Variants in SLIT2 observed in about 807,000 individuals in gnomAD.
SLIT2 encodes the protein slit homolog 2 protein.
Under a neutral mutation model 185.7 loss-of-function variants are expected in SLIT2, and 41 were observed. The observed-to-expected ratio is 0.22, with a 90% CI of 0.17 to 0.29. The LOEUF is 0.29. SLIT2 is among the 10% of genes least tolerant of loss of function. The pLI, the probability that SLIT2 is intolerant of heterozygous loss-of-function variation, is 1.00. For synonymous variants in SLIT2, 693 were observed against 680.2 expected, an observed-to-expected ratio of 1.02 and a Z score of -0.29; for missense variants, 1,571 against 1,909.0, an observed-to-expected ratio of 0.82 and a Z score of 3.30.
chr4:20,257,294 G>A (rs914024734), intron 2 of SLIT2, among the ~76,000 whole-genome samples: 1 of 151,892 alleles, frequency 6.6e-6, no homozygotes, highest in African/African-American at 2.4e-5. Flanking sequence ...TCTTTAATTA[G>A]TGGGTTAAAT....
chr4:20,307,842 T>C (rs1717727580), intron 4 of SLIT2, among the ~76,000 whole-genome samples: 1 of 152,174 alleles, frequency 6.6e-6, no homozygotes, highest in East Asian at 1.9e-4. Context: ...CTCACATGGA[T>C]AGTGTGAGGC....
chr4:20,282,478 C>T (rs1210028450), intron 4 of SLIT2, among the ~76,000 whole-genome samples: 1 of 152,014 alleles, frequency 6.6e-6, no homozygotes, highest in East Asian at 1.9e-4. Context: ...TAGTTCTTAT[C>T]TTCAATTCTC....
intron 4 of SLIT2, among the ~76,000 whole-genome samples, chr4:20,273,643 C>T (rs111420161): frequency 0.027 from 4,089 of 152,170 alleles, 177 homozygotes; most frequent in African/African-American, 0.094. Flanking sequence ...AGACATAACA[C>T]AATCAAAATG....
intron 3 of SLIT2, among the ~76,000 whole-genome samples, chr4:20,268,480 G>A (rs1487026154): frequency 2.0e-5 from 3 of 151,776 alleles, no homozygotes; most frequent in Admixed American, 6.6e-5. Flanking sequence ...TATTTCTGCT[G>A]GATATTGAAG....
chr4:20,505,002 T>C (rs903597908), intron 9 of SLIT2, among the ~76,000 whole-genome samples: 1 of 151,940 alleles, frequency 6.6e-6, no homozygotes, highest in Admixed American at 6.6e-5. Flanking sequence ...ATTCAGGGGG[T>C]CTTGGAATGC....
intron 4 of SLIT2, among the ~76,000 whole-genome samples, chr4:20,298,108 G>A (rs1457091180): frequency 6.8e-6 from 1 of 147,852 alleles, no homozygotes; most frequent in Non-Finnish European, 1.5e-5. Flanking sequence ...TCCTTTTTGA[G>A]ACAGAATTTC....
chr4:20,279,706 G>C (rs750977210), intron 4 of SLIT2, among the ~76,000 whole-genome samples: 22 of 152,176 alleles, frequency 1.4e-4, no homozygotes, highest in Non-Finnish European at 3.1e-4. Flanking sequence ...TTTCCTAAAT[G>C]AACTGAGCTT....
At chr4:20,307,160 C>CCTTCCTTCCTGCCTTCCT (rs1553876301) in intron 4 of SLIT2, among the ~76,000 whole-genome samples, 1 of 24,260 alleles carries the variant, frequency 4.1e-5, no homozygotes. Context: ...CCCTCCCTCC[C>CCTTCCTTCCTGCCTTCCT]TCCTTCCTTC....
At chr4:20,342,100 T>C (rs1721005286) in intron 4 of SLIT2, among the ~76,000 whole-genome samples, 1 of 152,138 alleles carries the variant, frequency 6.6e-6, no homozygotes, top group Admixed American at 6.5e-5. Flanking sequence ...ACTGGGCAGA[T>C]TAGGACATAA....
At chr4:20,565,650 G>A (rs1262395160) in intron 26 of SLIT2, among the ~76,000 whole-genome samples, 1 of 151,832 alleles carries the variant, frequency 6.6e-6, no homozygotes, top group Non-Finnish European at 1.5e-5. Context: ...GACTCCTTTA[G>A]TTATTGTAGT....
chr4:20,419,667 C>CTTG (rs768686078), intron 4 of SLIT2, among the ~76,000 whole-genome samples: 8 of 138,084 alleles, frequency 5.8e-5, no homozygotes, highest in Non-Finnish European at 9.3e-5. Flanking sequence ...AAGTTTTAAG[C>CTTG]TGTGTGTGTG....
At chr4:20,520,830 A>G (rs143861927) in intron 12 of SLIT2, among the ~76,000 whole-genome samples, 19 of 152,284 alleles carry the variant, frequency 1.2e-4, no homozygotes, top group African/African-American at 4.6e-4. Flanking sequence ...AACCCAGTAA[A>G]TTTATTTTAC....
intron 4 of SLIT2, among the ~76,000 whole-genome samples, chr4:20,447,124 G>A (rs1711899154): frequency 6.6e-6 from 1 of 152,118 alleles, no homozygotes; most frequent in Non-Finnish European, 1.5e-5. Context: ...CCATCCTTTG[G>A]ATGGAAAACA....
chr4:20,519,597 C>G (rs1720635479), intron 12 of SLIT2, 144 bp downstream of exon 12: 1 of 592,858 alleles, frequency 1.7e-6, no homozygotes, highest in African/African-American at 1.9e-5. Flanking sequence ...TCCAGTCAAG[C>G]TAGTATTCGT....
chr4:20,590,584 T>G (rs1727442290), intron 30 of SLIT2, among the ~76,000 whole-genome samples: 2 of 152,160 alleles, frequency 1.3e-5, no homozygotes. Flanking sequence ...TTGCATGGGG[T>G]GACAAAGCAT....
chr4:20,588,892 G>A (rs903731784), intron 29 of SLIT2, among the ~76,000 whole-genome samples: 22 of 152,144 alleles, frequency 1.4e-4, no homozygotes, highest in Admixed American at 1.4e-3. Flanking sequence ...TATGTTCCCT[G>A]TCTCTGTATT....
intron 9 of SLIT2, among the ~76,000 whole-genome samples, chr4:20,500,986 T>C (rs573786475): frequency 8.5e-4 from 130 of 152,156 alleles, no homozygotes; most frequent in Non-Finnish European, 1.7e-3. Flanking sequence ...TCTGATTCTG[T>C]GCTAATATAT....
chr4:20,525,618 A>G (rs1023871305), intron 15 of SLIT2, among the ~76,000 whole-genome samples: 8 of 152,126 alleles, frequency 5.3e-5, no homozygotes, highest in African/African-American at 7.2e-5. Flanking sequence ...ATTTTCAATC[A>G]TGAAAATTAC....
At chr4:20,319,381 T>C (rs1273616111) in intron 4 of SLIT2, among the ~76,000 whole-genome samples, 1 of 152,192 alleles carries the variant, frequency 6.6e-6, no homozygotes, top group Admixed American at 6.5e-5. Context: ...ATGTGATTAT[T>C]AGACTATAAA....
Sources: gnomAD v4.1 joint callset for allele counts (sites outside exome capture counted in the v4.1 genomes callset) on GRCh38, gnomAD v4.1.1 for gene constraint, MANE v1.5 for transcripts, NCBI Gene and HGNC (gene_info 2026-07-23, HGNC 2026-07-21) for gene names.